DENND10: variants seen among roughly 807,000 people sequenced by gnomAD.
DENND10 encodes the protein DENN domain containing 10.
Under a neutral mutation model 43.6 loss-of-function variants are expected in DENND10, and 24 were observed. The ratio of observed to expected loss-of-function variants is 0.55; its 90% CI spans 0.40 to 0.77. DENND10 has a LOEUF of 0.77. Among genes scored for constraint, DENND10 ranks in the 30% least tolerant of loss-of-function variants. DENND10 has a pLI of 0.00. For missense variants in DENND10, 303 were observed against 429.9 expected, an observed-to-expected ratio of 0.70 and a Z score of 2.61; for synonymous variants, 125 against 157.6, an observed-to-expected ratio of 0.79 and a Z score of 1.55.
intron 5 of DENND10, among the ~76,000 whole-genome samples, chr10:119,123,267 C>A (rs1845658509): frequency 6.6e-6 from 1 of 152,090 alleles, no homozygotes; most frequent in Admixed American, 6.6e-5. Flanking sequence ...AACTCCATCT[C>A]AAAAAAATAA....
intron 1 of DENND10, among the ~76,000 whole-genome samples, chr10:119,107,619 G>A (rs1415593312): frequency 7.2e-5 from 11 of 152,074 alleles, no homozygotes; most frequent in African/African-American, 2.7e-4. Context: ...GGTCAGGCTG[G>A]TCTCGAAGTC....
intron 6 of DENND10, among the ~76,000 whole-genome samples, chr10:119,127,211 T>C (rs1005711849): frequency 7.9e-5 from 12 of 152,250 alleles, no homozygotes; most frequent in Non-Finnish European, 1.3e-4. Flanking sequence ...GCCTAAACAT[T>C]TTTAATGTTT....
At chr10:119,115,405 T>TTTTTTTTTTTTTTTTTTAG (rs869213007) in intron 3 of DENND10, among the ~76,000 whole-genome samples, 1 of 91,682 alleles carries the variant, frequency 1.1e-5, no homozygotes, top group Admixed American at 1.2e-4. Flanking sequence ...TTTTTTTTTT[T>TTTTTTTTTTTTTTTTTTAG]GAGACGGAGT....
chr10:119,115,548 C>T (rs987543845), intron 3 of DENND10, among the ~76,000 whole-genome samples: 12 of 95,694 alleles, frequency 1.3e-4, no homozygotes, highest in Admixed American at 3.6e-4. Context: ...CCACTACGCC[C>T]GGCTAATTTT....
At position 119,107,651 on chromosome 10, in the gene DENND10, G is replaced by A. The variant is rs181247162; in HGVS notation, c.56-317G>A. ...AGTCCCGACCTCAGGTAATCCACTC[G>A]CCTTGGCCTCCCAAAGTGATGGGAT... is the stretch of plus-strand genomic sequence containing the variant. On this transcript the variant is annotated intron_variant, in intron 1 of 8. Coordinates refer to ENST00000361432, the MANE Select transcript of DENND10 (RefSeq NM_207009.4). Among the ~76,000 whole-genome samples, 268 of 152,138 alleles carry A rather than the reference G, an allele frequency of 1.8e-3. 1 individual carries two copies. Among genetic ancestry groups the A allele is most frequent in the African/African-American group, 6.0e-3 (248 of 41,498 alleles).
intron 2 of DENND10, among the ~76,000 whole-genome samples, chr10:119,111,335 G>A (rs1366180528): frequency 6.6e-6 from 1 of 151,350 alleles, no homozygotes; most frequent in African/African-American, 2.4e-5. Flanking sequence ...GTAAAATAAG[G>A]GTTTGGTGGT....
chr10:119,117,113 T>C (rs1336297771), intron 3 of DENND10, among the ~76,000 whole-genome samples: 1 of 152,134 alleles, frequency 6.6e-6, no homozygotes, highest in Non-Finnish European at 1.5e-5. Flanking sequence ...TAAGTGCAGC[T>C]GTAATCCCAG....
At chr10:119,124,360 T>C (rs1845726331) in intron 6 of DENND10, among the ~76,000 whole-genome samples, 2 of 111,716 alleles carry the variant, frequency 1.8e-5, no homozygotes, top group Non-Finnish European at 3.5e-5. Context: ...ACCGTATCTC[T>C]ACTAAAATAC....
At chr10:119,120,765 C>T (rs150750523) in intron 5 of DENND10, among the ~76,000 whole-genome samples, 6 of 152,264 alleles carry the variant, frequency 3.9e-5, no homozygotes, top group African/African-American at 7.2e-5. Flanking sequence ...ATGGAGGACA[C>T]GTACATAAAT....
rs1355467786 is a variant in DENND10 at position 119,111,868 on chromosome 10, T to A, written c.272T>A (p.Val91Asp). 1 of 1,613,228 alleles carries A rather than the reference T, an allele frequency of 6.2e-7. No homozygotes were observed. The highest frequency in any genetic ancestry group is 8.5e-7 in the Non-Finnish European group (1 of 1,179,352). Residue 91 changes from valine to aspartate, a missense_variant, in exon 3 of 9, where the codon GTC becomes GAC. Coordinates refer to ENST00000361432, the MANE Select transcript of DENND10 (RefSeq NM_207009.4). ...GAACAGGTGACTCATTTTTCTATTG[T>A]CCTGACCGCCAAAGATTTTAACCCA... Reference protein sequence around the residue: ...ILKKVTHFSIVLTAKDFNPEK... With the variant: ...ILKKVTHFSIDLTAKDFNPEK...
intron 1 of DENND10, 30 bp downstream of exon 1, chr10:119,104,227 C>A: frequency 6.7e-7 from 1 of 1,501,448 alleles, no homozygotes. Context: ...GCCTGGAAGC[C>A]CGCACCCTGG....
At chr10:119,136,394 A>C (rs1846361385) in intron 8 of DENND10, 77 bp from the exon 9 acceptor site, 4 of 1,508,850 alleles carry the variant, frequency 2.7e-6, no homozygotes, top group Non-Finnish European at 3.6e-6. Flanking sequence ...TCTGGAAAAA[A>C]TAGGAAGAAT....
At chr10:119,131,186 T>C (rs11198794) in intron 7 of DENND10, among the ~76,000 whole-genome samples, 96,475 of 152,124 alleles carry the variant, frequency 0.63, 31,111 homozygotes, top group African/African-American at 0.72. Context: ...AGGCCGGCCA[T>C]GGTGGCTCAC....
intron 3 of DENND10, among the ~76,000 whole-genome samples, chr10:119,117,174 C>A (rs1396752801): frequency 1.3e-5 from 2 of 151,834 alleles, no homozygotes; most frequent in Admixed American, 6.6e-5. Context: ...GAGTTTGAGA[C>A]CAGCCTGGCC....
At chr10:119,130,800 T>C (rs1185272761) in intron 7 of DENND10, among the ~76,000 whole-genome samples, 1 of 152,164 alleles carries the variant, frequency 6.6e-6, no homozygotes, top group African/African-American at 2.4e-5. Flanking sequence ...ATAGGGTTGC[T>C]TGAGTGTTCT....
chr10:119,127,980 A>C (rs1001715613), intron 6 of DENND10, among the ~76,000 whole-genome samples: 1 of 151,926 alleles, frequency 6.6e-6, no homozygotes, highest in Non-Finnish European at 1.5e-5. Context: ...AGGAATGATA[A>C]ATTGGTCCTG....
chr10:119,106,806 G>C (rs1228596027), intron 1 of DENND10, among the ~76,000 whole-genome samples: 2 of 151,676 alleles, frequency 1.3e-5, no homozygotes, highest in African/African-American at 2.4e-5. Flanking sequence ...GCACTTTGGG[G>C]GGCCGAGGCA....
rs1412443754 is a variant in DENND10 at position 119,136,528 on chromosome 10, T to G, written c.955T>G (p.Ser319Ala). ...FTNLAPFSEV[S>A]ADGEKRVLNL... is the part of the protein sequence containing the mutation. ...CAACCTAGCACCGTTTTCAGAAGTT[T>G]CGGCTGATGGAGAAAAGAGAGTCCT... Residue 319 changes from serine (S) to alanine (A), a missense_variant, in exon 9 of 9, where the codon TCG becomes GCG. Physicochemically the swap from Ser to Ala is moderately conservative, Grantham distance 99. Coordinates refer to ENST00000361432, the MANE Select transcript of DENND10 (RefSeq NM_207009.4). 3.8e-6 allele frequency: 6 copies of G among 1,592,606 alleles called. No homozygotes were observed. The African/African-American group carries it at 5.5e-5, about 14-fold the overall frequency.
intron 4 of DENND10, among the ~76,000 whole-genome samples, chr10:119,117,936 C>A (rs565020669): frequency 6.6e-6 from 1 of 151,448 alleles, no homozygotes; most frequent in Non-Finnish European, 1.5e-5. Flanking sequence ...CACTGCACTC[C>A]GGCCTGGGCA....
Sources: allele counts gnomAD v4.1 joint callset (sites outside exome capture counted in the v4.1 genomes callset), GRCh38; gene constraint gnomAD v4.1.1; transcripts MANE v1.5; gene names NCBI Gene and HGNC (gene_info 2026-07-23, HGNC 2026-07-21).